DAPP1: variants seen among roughly 807,000 people sequenced by gnomAD.
DAPP1 encodes dual adapter for phosphotyrosine and 3-phosphotyrosine and 3-phosphoinositide.
In DAPP1, 20 loss-of-function variants were observed where a neutral mutation model predicts 41.5. The ratio of observed to expected loss-of-function variants is 0.48; its 90% confidence interval spans 0.34 to 0.70. DAPP1 has a LOEUF of 0.70. DAPP1 is among the 30% of genes least tolerant of loss of function. The pLI, the probability that DAPP1 is intolerant of heterozygous loss-of-function variation, is 0.01. For missense variants in DAPP1, 233 were observed against 333.4 expected (o/e 0.70, Z 2.35); for synonymous variants, 113 against 116.2 (o/e 0.97, Z 0.18).
intron 4 of DAPP1, among the ~76,000 whole-genome samples, chr4:99,856,726 A>G (rs1236709383): frequency 1.3e-5 from 2 of 152,214 alleles, no homozygotes; most frequent in Non-Finnish European, 2.9e-5. Flanking sequence ...GATGGATGAC[A>G]CAAGACTTCT....
intron 1 of DAPP1, among the ~76,000 whole-genome samples, chr4:99,821,677 T>G (rs529658059): frequency 1.3e-5 from 2 of 152,242 alleles, no homozygotes; most frequent in Non-Finnish European, 2.9e-5. Flanking sequence ...AGAGCCTTCA[T>G]GCTTGACTGC....
intron 2 of DAPP1, among the ~76,000 whole-genome samples, chr4:99,840,047 G>C (rs1723443333): frequency 6.6e-6 from 1 of 152,152 alleles, no homozygotes; most frequent in Non-Finnish European, 1.5e-5. Flanking sequence ...GGGGGACAGA[G>C]CAAGACTCTG....
chr4:99,819,679 C>T (rs114382619), intron 1 of DAPP1, among the ~76,000 whole-genome samples: 1,373 of 137,146 alleles, frequency 0.01, 14 homozygotes, highest in African/African-American at 0.032. Flanking sequence ...TAAAAGGTAG[C>T]TGGTTTTAAT....
chr4:99,853,765 G>A (rs1723950628), intron 4 of DAPP1, among the ~76,000 whole-genome samples: 1 of 152,048 alleles, frequency 6.6e-6, no homozygotes, highest in Non-Finnish European at 1.5e-5. Context: ...GCTGCAGTGA[G>A]CTGTGATTGT....
chr4:99,824,901 C>T (rs942464352), intron 1 of DAPP1, among the ~76,000 whole-genome samples: 3 of 152,258 alleles, frequency 2.0e-5, no homozygotes, highest in Middle Eastern at 3.4e-3. Context: ...ACTGTGAAGG[C>T]TTCCCTGGGG....
At position 99,837,072 on chromosome 4, in the gene DAPP1, G is replaced by T. The variant is rs575296876; in HGVS notation, c.224+1327G>T. ...ACCCATGGCTGTTTACCACATGGGTGTTTGCTTTCTTGCATGCCAGCCAGA... is the reference window on the plus strand; with the variant it reads ...ACCCATGGCTGTTTACCACATGGGTTTTTGCTTTCTTGCATGCCAGCCAGA... On this transcript the variant is annotated intron_variant, in intron 2 of 8. Transcript: ENST00000512369. Among the ~76,000 whole-genome samples, 16 of 152,320 alleles carry T rather than the reference G, an allele frequency of 1.1e-4. No homozygotes were observed. The South Asian group carries it at 3.3e-3, about 32-fold the overall frequency.
intron 1 of DAPP1, among the ~76,000 whole-genome samples, chr4:99,818,371 T>C (rs1722660797): frequency 6.6e-6 from 1 of 152,194 alleles, no homozygotes; most frequent in African/African-American, 2.4e-5. Flanking sequence ...ACTATTAAGT[T>C]ACAATGCTTT....
chr4:99,859,352 T>C (rs1724158375), intron 4 of DAPP1, among the ~76,000 whole-genome samples: 1 of 152,222 alleles, frequency 6.6e-6, no homozygotes, highest in African/African-American at 2.4e-5. Context: ...CACAGAATAG[T>C]ACTCTAGAAA....
intron 3 of DAPP1, among the ~76,000 whole-genome samples, chr4:99,852,077 C>A (rs151222299): frequency 2.0e-5 from 3 of 152,168 alleles, no homozygotes; most frequent in Non-Finnish European, 4.4e-5. Context: ...TCATTTTTTC[C>A]ATAACACTTC....
intron 6 of DAPP1, among the ~76,000 whole-genome samples, chr4:99,863,285 C>T (rs1044715761): frequency 6.6e-5 from 10 of 152,100 alleles, no homozygotes; most frequent in African/African-American, 2.4e-4. Flanking sequence ...TTGGCTAAAC[C>T]ATAGTTCCCC....
At chr4:99,855,273 A>G (rs766617143) in intron 4 of DAPP1, among the ~76,000 whole-genome samples, 2 of 152,098 alleles carry the variant, frequency 1.3e-5, no homozygotes, top group African/African-American at 4.8e-5. Flanking sequence ...TGTTAGTTTA[A>G]CTTCACATTC....
At chr4:99,840,247 T>C (rs1723450580) in intron 2 of DAPP1, 42 bp from the exon 3 acceptor site, 1 of 1,338,840 alleles carries the variant, frequency 7.5e-7, no homozygotes, top group Non-Finnish European at 1.0e-6. Context: ...AACAAGATAT[T>C]TATTTGTTAA....
intron 2 of DAPP1, among the ~76,000 whole-genome samples, chr4:99,839,787 C>T (rs1723433712): frequency 6.6e-6 from 1 of 152,166 alleles, no homozygotes; most frequent in African/African-American, 2.4e-5. Context: ...TGAGGCTGGG[C>T]GTGGTGGCTA....
At chr4:99,849,124 G>T (rs1258747058) in intron 3 of DAPP1, among the ~76,000 whole-genome samples, 1 of 152,106 alleles carries the variant, frequency 6.6e-6, no homozygotes, top group Non-Finnish European at 1.5e-5. Context: ...CATTTGTGGG[G>T]TTACTAGTTA....
At chr4:99,839,367 ATATAGATATC>A (rs145466604) in intron 2 of DAPP1, among the ~76,000 whole-genome samples, 21,710 of 147,616 alleles carry the variant, frequency 0.15, 1,797 homozygotes, top group African/African-American at 0.2. Context: ...ATATAGATAT[ATATAGATATC>A]TATAGATATA....
chr4:99,837,036 T>C (rs1723324857), intron 2 of DAPP1, among the ~76,000 whole-genome samples: 1 of 152,226 alleles, frequency 6.6e-6, no homozygotes, highest in African/African-American at 2.4e-5. Context: ...CACAGTTCTT[T>C]GCCACATGGC....
At chr4:99,828,223 C>T (rs553511555) in intron 1 of DAPP1, among the ~76,000 whole-genome samples, 7 of 152,320 alleles carry the variant, frequency 4.6e-5, no homozygotes, top group Non-Finnish European at 8.8e-5. Context: ...AAGCTTTGCA[C>T]TGTGGTTTAA....
intron 7 of DAPP1, 42 bp from the exon 8 acceptor site, chr4:99,865,992 A>G (rs1560711414): frequency 4.2e-6 from 1 of 240,426 alleles, no homozygotes; most frequent in African/African-American, 4.8e-5. Flanking sequence ...ATATATAGCT[A>G]ATGATCTGCA....
At chr4:99,866,424 C>T in intron 8 of DAPP1, 3 of 687,868 alleles carry the variant, frequency 4.4e-6, no homozygotes, top group Non-Finnish European at 7.9e-6. Flanking sequence ...TGGAGGGGGA[C>T]ATTTAGAACC....
Sources: allele counts gnomAD v4.1 joint callset (sites outside exome capture counted in the v4.1 genomes callset), GRCh38; gene constraint gnomAD v4.1.1; transcripts MANE v1.5; gene names NCBI Gene and HGNC (gene_info 2026-07-23, HGNC 2026-07-21).